Variants in MTMR8 observed in about 807,000 individuals in gnomAD.
The protein encoded by MTMR8 is myotubularin related protein 8.
MTMR8 carries 65 observed loss-of-function variants against 39.3 expected under a neutral mutation model. The observed-to-expected ratio is 1.65, with a 90% CI of 1.35 to 2.03. The LOEUF is 2.03. Among genes scored for constraint, MTMR8 ranks in the 30% most tolerant of loss-of-function variants. The probability of loss-of-function intolerance (pLI) is 0.00; values close to 1 mark genes in which losing one functional copy is unlikely to be tolerated. For synonymous variants in MTMR8, 245 were observed against 185.2 expected (o/e 1.32, Z -2.62); for missense variants, 777 against 538.9 (o/e 1.44, Z -4.37).
At chrX:64,334,177 G>T (rs1923013610) in intron 10 of MTMR8, among the ~76,000 whole-genome samples, 1 of 110,457 alleles carries the variant, frequency 9.1e-6, no homozygotes, top group Non-Finnish European at 1.9e-5. Context: ...CTCCCTACTA[G>T]ATATCTTCTC....
intron 12 of MTMR8, among the ~76,000 whole-genome samples, chrX:64,317,574 T>A (rs1299530527): frequency 8.9e-6 from 1 of 112,011 alleles, no homozygotes; most frequent in Non-Finnish European, 1.9e-5. Context: ...TTGCTGAGAC[T>A]TTTTTCATTT....
chrX:64,297,423 G>A (rs1411684079), intron 12 of MTMR8, among the ~76,000 whole-genome samples: 1 of 97,663 alleles, frequency 1.0e-5, no homozygotes, highest in Non-Finnish European at 2.0e-5. Context: ...CTTTTTGATG[G>A]GGTTGTTTGT....
intron 3 of MTMR8, 106 bp from the exon 4 acceptor site, chrX:64,355,040 T>C: frequency 1.4e-6 from 1 of 713,541 alleles, no homozygotes; most frequent in Non-Finnish European, 2.0e-6. Context: ...GGAATGTTTG[T>C]CAAACAGCCC....
chrX:64,325,264 G>A (rs1181876769), intron 12 of MTMR8, among the ~76,000 whole-genome samples: 1 of 111,681 alleles, frequency 9.0e-6, no homozygotes, highest in Non-Finnish European at 1.9e-5. Context: ...AAACTAGTCG[G>A]CACAACTGAA....
intron 1 of MTMR8, among the ~76,000 whole-genome samples, chrX:64,370,710 A>G (rs1004740130): frequency 6.2e-5 from 7 of 112,148 alleles, no homozygotes; most frequent in African/African-American, 2.3e-4. Flanking sequence ...TATACCACAT[A>G]GCCTAGGTGT....
At position 64,359,404 on chromosome X, in the gene MTMR8, C is replaced by T; in HGVS notation, c.147+1G>A. Reference sequence around the variant, plus strand: ...TTTGATACTTCTTCTCATGAACATACCCATGTTTCTTTCCGGGCTGCACCT... The same window carrying T: ...TTTGATACTTCTTCTCATGAACATATCCATGTTTCTTTCCGGGCTGCACCT... On this transcript the variant is annotated splice_donor_variant, in intron 2 of 13. Transcript: ENST00000374852. LOFTEE classifies it high-confidence loss of function. The T allele has an allele frequency of 8.3e-7, 1 of 1,202,224 alleles. No individual in the cohort carries two copies. Among genetic ancestry groups the T allele is most frequent in the African/African-American group, 1.7e-5 (1 of 57,569 alleles).
chrX:64,335,168 G>C (rs974483066), intron 10 of MTMR8, among the ~76,000 whole-genome samples: 4 of 107,727 alleles, frequency 3.7e-5, no homozygotes, highest in African/African-American at 1.4e-4. Flanking sequence ...TTTCAGTCTT[G>C]TCACCCAGGC....
At chrX:64,359,677 T>C in intron 1 of MTMR8, 150 bp from the exon 2 acceptor site, 1 of 453,381 alleles carries the variant, frequency 2.2e-6, no homozygotes, top group Non-Finnish European at 3.4e-6. Context: ...CTATGATCTG[T>C]ATTACCTTTT....
At chrX:64,334,148 C>T (rs1270403224) in intron 10 of MTMR8, among the ~76,000 whole-genome samples, 2 of 110,907 alleles carry the variant, frequency 1.8e-5, no homozygotes, top group African/African-American at 6.6e-5. Flanking sequence ...TAGTGAGCTC[C>T]AGATTACTAC....
intron 12 of MTMR8, among the ~76,000 whole-genome samples, chrX:64,311,591 C>T (rs1256082455): frequency 1.8e-5 from 2 of 111,209 alleles, no homozygotes; most frequent in Admixed American, 9.6e-5. Flanking sequence ...CTGAATAGTA[C>T]TGCCTAGGTT....
intron 11 of MTMR8, 50 bp downstream of exon 11, chrX:64,331,507 G>T (rs761147860): frequency 5.4e-6 from 6 of 1,117,919 alleles, no homozygotes; most frequent in Admixed American, 2.3e-5. Context: ...CATTCTTTTT[G>T]CACTGACCAC....
chrX:64,304,860 T>TTATATATATATATATATATATATATA (rs751399962), intron 12 of MTMR8, among the ~76,000 whole-genome samples: 1 of 28,564 alleles, frequency 3.5e-5, no homozygotes, highest in Admixed American at 8.0e-4. Flanking sequence ...GATCAAACAT[T>TTATATATATATATATATATATATATA]TATATATATA....
intron 12 of MTMR8, among the ~76,000 whole-genome samples, chrX:64,296,647 G>A (rs1399643964): frequency 3.0e-5 from 3 of 101,309 alleles, no homozygotes; most frequent in Admixed American, 2.2e-4. Flanking sequence ...AGTTACATAT[G>A]TATACATGTG....
rs770377638 is a variant in MTMR8 at position 64,268,625 on chromosome X, C to T, written c.2027G>A (p.Arg676Lys). 15 of 1,209,741 alleles carry T rather than the reference C, an allele frequency of 1.2e-5. No individual in the cohort carries two copies. The highest frequency in any genetic ancestry group is 1.7e-5 in the Non-Finnish European group (15 of 895,198). ...GATGCCCATGTCCCCAGAGAAACCC[C>T]TGGCCTCAGAAATACCCAAGTTTCC... Reference protein sequence around the residue: ...ISGNLGISEARGFSGDMGILG... With the variant: ...ISGNLGISEAKGFSGDMGILG... Residue 676 changes from arginine to lysine, a missense_variant, in exon 14 of 14, where the codon AGG (arginine) becomes AAG (lysine). Physicochemically the swap from Arg to Lys is conservative, Grantham distance 26. Transcript: ENST00000374852.
chrX:64,367,604 G>A lies in MTMR8; in HGVS notation c.25-8077C>T, dbSNP rs769023443. Among the ~76,000 whole-genome samples the A allele has an allele frequency of 7.2e-5, 8 of 111,482 alleles. No homozygotes were observed. In the East Asian group the frequency reaches 8.4e-4, roughly 12 times the overall value. ...CCAATAAATTAGGTATTGATGGAACGTATCTCAAAATAATAAGAGCTATTT... is the reference window on the plus strand; with the variant it reads ...CCAATAAATTAGGTATTGATGGAACATATCTCAAAATAATAAGAGCTATTT... On this transcript the variant is annotated intron_variant, in intron 1 of 13. Coordinates refer to ENST00000374852, the MANE Select transcript of MTMR8 (RefSeq NM_017677.4).
At chrX:64,393,447 G>A (rs899236499) in intron 1 of MTMR8, among the ~76,000 whole-genome samples, 1 of 111,787 alleles carries the variant, frequency 8.9e-6, no homozygotes, top group Non-Finnish European at 1.9e-5. Context: ...TCCCTAACAG[G>A]GGAATTTTAA....
At chrX:64,295,127 T>C (rs550534832) in intron 12 of MTMR8, among the ~76,000 whole-genome samples, 1 of 110,024 alleles carries the variant, frequency 9.1e-6, no homozygotes, top group African/African-American at 3.3e-5. Flanking sequence ...CACCTGTAAG[T>C]CTCACTTTTC....
intron 12 of MTMR8, among the ~76,000 whole-genome samples, chrX:64,284,790 C>T (rs1449486931): frequency 1.6e-4 from 18 of 111,552 alleles, no homozygotes; most frequent in Non-Finnish European, 7.5e-5. Flanking sequence ...ATTTTGTCAC[C>T]ACCAGGCCTG....
chrX:64,331,417 T>C, intron 11 of MTMR8, 140 bp downstream of exon 11: 1 of 501,460 alleles, frequency 2.0e-6, no homozygotes, highest in South Asian at 3.2e-5. Flanking sequence ...CATTGAGTGC[T>C]TTATGCTTCA....
Sources: gnomAD v4.1 joint callset for allele counts (sites outside exome capture counted in the v4.1 genomes callset) on GRCh38, gnomAD v4.1.1 for gene constraint, MANE v1.5 for transcripts, NCBI Gene and HGNC (gene_info 2026-07-23, HGNC 2026-07-21) for gene names.